The following DNM3 variants were observed in gnomAD, a reference collection of about 807,000 sequenced individuals.
The protein encoded by DNM3 is dynamin-3.
A neutral mutation model predicts 101.6 loss-of-function variants in DNM3; 47 were observed. The ratio of observed to expected loss-of-function variants is 0.46; its 90% CI spans 0.37 to 0.59. DNM3 has a LOEUF of 0.59. Ranked by LOEUF, DNM3 falls within the 20% of genes least tolerant of loss-of-function variation. The pLI is 0.00. For missense variants in DNM3, 849 were observed against 1,085.7 expected (o/e 0.78, Z 3.06); for synonymous variants, 385 against 387.9 (o/e 0.99, Z 0.09).
At chr1:172,101,812 G>C (rs1018106211) in intron 13 of DNM3, among the ~76,000 whole-genome samples, 3 of 151,926 alleles carry the variant, frequency 2.0e-5, no homozygotes, top group African/African-American at 4.8e-5. Context: ...TCATTTTGTA[G>C]TCTCAATTAT....
chr1:172,276,557 A>ATG lies in DNM3; in HGVS notation c.1769+22903_1769+22904dup, dbSNP rs60837783. Among the ~76,000 whole-genome samples, 466 of 144,358 alleles carry ATG rather than the reference A, an allele frequency of 3.2e-3. 3 individuals carry two copies. The highest frequency in any genetic ancestry group is 0.014 in the Middle Eastern group (4 of 282). 94.7% of individuals were successfully genotyped at this position (144,358 alleles called of 152,430 possible). ...TAATAATCACAGAAAAAAAATCTTAATGTGTGTGTGTGTGTGTGTGTGTGT... is the reference window on the plus strand; with the variant it reads ...TAATAATCACAGAAAAAAAATCTTAATGTGTGTGTGTGTGTGTGTGTGTGTGT... On this transcript the variant is annotated intron_variant, in intron 15 of 20. Transcript: ENST00000627582.
chr1:172,041,919 G>T (rs3736791), intron 7 of DNM3, 90 bp from the exon 8 acceptor site: 1 of 1,420,286 alleles, frequency 7.0e-7, no homozygotes, highest in Non-Finnish European at 9.4e-7. Context: ...ACCTGGAAAA[G>T]GATTCTAAGG....
intron 13 of DNM3, among the ~76,000 whole-genome samples, chr1:172,116,000 T>A (rs2055863649): frequency 6.6e-6 from 1 of 152,206 alleles, no homozygotes; most frequent in Non-Finnish European, 1.5e-5. Flanking sequence ...TAGTAAGTAT[T>A]CAATAACCAT....
intron 15 of DNM3, among the ~76,000 whole-genome samples, chr1:172,298,913 T>A (rs1249604074): frequency 6.7e-6 from 1 of 150,112 alleles, no homozygotes; most frequent in East Asian, 2.0e-4. Flanking sequence ...GAAAGAAGGA[T>A]AAAAAGAAAA....
At chr1:171,920,247 G>C (rs1044526176) in intron 1 of DNM3, among the ~76,000 whole-genome samples, 3 of 152,146 alleles carry the variant, frequency 2.0e-5, no homozygotes, top group Non-Finnish European at 4.4e-5. Flanking sequence ...CATTCTCACT[G>C]TCCTTTGCCT....
chr1:172,263,510 G>A (rs190894959), intron 15 of DNM3, among the ~76,000 whole-genome samples: 1 of 152,250 alleles, frequency 6.6e-6, no homozygotes, highest in East Asian at 1.9e-4. Flanking sequence ...AATTTATAAA[G>A]AAAAAGAGAT....
intron 1 of DNM3, among the ~76,000 whole-genome samples, chr1:171,885,840 G>A (rs910369921): frequency 6.6e-6 from 1 of 152,184 alleles, no homozygotes; most frequent in Non-Finnish European, 1.5e-5. Context: ...GTGGCCAAGG[G>A]TAGCTGTTTG....
At chr1:171,871,289 C>G (rs542129696) in intron 1 of DNM3, among the ~76,000 whole-genome samples, 177 of 152,260 alleles carry the variant, frequency 1.2e-3, no homozygotes, top group Non-Finnish European at 2.3e-3. Context: ...TGTCAGGGAC[C>G]TGATTTTTCA....
chr1:172,034,367 C>CA (rs2048817639), intron 6 of DNM3, among the ~76,000 whole-genome samples: 1 of 151,964 alleles, frequency 6.6e-6, no homozygotes, highest in Non-Finnish European at 1.5e-5. Context: ...TTTGCACTGT[C>CA]AAAACTCTCT....
In DNM3 at chr1:172,270,741, C is replaced by T. The variant is rs922439114; in HGVS notation, c.1769+17059C>T. On this transcript the variant is annotated intron_variant, in intron 15 of 20. Coordinates refer to ENST00000627582, the MANE Select transcript of DNM3 (RefSeq NM_015569.5). ...AGTTTCATGAAGAAAATATTTGCAA[C>T]GTCTAACTGTAGCGAGTTTTTCTCC... Among the ~76,000 whole-genome samples, 13 of 151,980 alleles carry T rather than the reference C, an allele frequency of 8.6e-5. No homozygotes were observed. In the East Asian group the frequency reaches 1.2e-3, roughly 14 times the overall value.
At chr1:172,301,640 AC>A (rs2064455011) in intron 15 of DNM3, among the ~76,000 whole-genome samples, 1 of 152,246 alleles carries the variant, frequency 6.6e-6, no homozygotes, top group Non-Finnish European at 1.5e-5. Context: ...TGATAGCAAA[AC>A]AAAAAGGAAA....
intron 13 of DNM3, 141 bp from the exon 14 acceptor site, chr1:172,131,032 AAC>A: frequency 4.4e-6 from 3 of 683,196 alleles, no homozygotes; most frequent in Non-Finnish European, 7.6e-6. Context: ...TCTCTTGAAT[AAC>A]TCAATGGAAG....
chr1:171,981,548 G>A (rs1426972689), intron 2 of DNM3, among the ~76,000 whole-genome samples: 1 of 152,186 alleles, frequency 6.6e-6, no homozygotes, highest in Non-Finnish European at 1.5e-5. Context: ...CCCCCAAACA[G>A]TTTGTCAGTT....
At chr1:172,011,022 T>C (rs1291472229) in intron 4 of DNM3, among the ~76,000 whole-genome samples, 1 of 151,902 alleles carries the variant, frequency 6.6e-6, no homozygotes, top group East Asian at 1.9e-4. Flanking sequence ...AATTCTACAA[T>C]ATTCCTTAAA....
chr1:172,405,129 T>C (rs1336507061), intron 20 of DNM3, among the ~76,000 whole-genome samples: 1 of 152,114 alleles, frequency 6.6e-6, no homozygotes, highest in African/African-American at 2.4e-5. Context: ...CTCACCTTGA[T>C]CTAGCCTAAA....
intron 15 of DNM3, among the ~76,000 whole-genome samples, chr1:172,297,038 G>C (rs981944374): frequency 1.3e-5 from 2 of 151,660 alleles, no homozygotes; most frequent in African/African-American, 4.8e-5. Flanking sequence ...AGCTACTTGG[G>C]AGGCTGAGGC....
intron 2 of DNM3, among the ~76,000 whole-genome samples, chr1:171,971,058 T>A (rs1028339181): frequency 6.6e-6 from 1 of 152,096 alleles, no homozygotes; most frequent in African/African-American, 2.4e-5. Flanking sequence ...TTATTTAACA[T>A]TTAACCACAA....
At chr1:172,228,515 T>A (rs1422557184) in intron 14 of DNM3, among the ~76,000 whole-genome samples, 1 of 152,144 alleles carries the variant, frequency 6.6e-6, no homozygotes, top group Non-Finnish European at 1.5e-5. Context: ...ATTTTCCCTC[T>A]GATTACTTTT....
At chr1:171,845,894 G>C (rs1254277489) in intron 1 of DNM3, among the ~76,000 whole-genome samples, 1 of 152,220 alleles carries the variant, frequency 6.6e-6, no homozygotes, top group Non-Finnish European at 1.5e-5. Flanking sequence ...AGGCAGAAGA[G>C]TCCACATTAT....
Sources: gnomAD v4.1 joint callset for allele counts (sites outside exome capture counted in the v4.1 genomes callset) on GRCh38, gnomAD v4.1.1 for gene constraint, MANE v1.5 for transcripts, NCBI Gene and HGNC (gene_info 2026-07-23, HGNC 2026-07-21) for gene names.